A1CF: variants seen among roughly 807,000 people sequenced by gnomAD.
A1CF encodes the protein APOBEC-1 stimulating protein.
A neutral mutation model predicts 68.9 loss-of-function variants in A1CF; 48 were observed. The ratio of observed to expected loss-of-function variants is 0.70; its 90% CI spans 0.55 to 0.89. The LOEUF (loss-of-function observed/expected upper bound fraction) is 0.89. A1CF is among the 40% of genes least tolerant of loss of function. A1CF has a pLI of 0.00. For missense variants in A1CF, 653 were observed against 718.9 expected, an observed-to-expected ratio of 0.91 and a Z score of 1.05; for synonymous variants, 272 against 260.4, an observed-to-expected ratio of 1.04 and a Z score of -0.43.
chr10:50,881,168 T>G lies in A1CF; in HGVS notation c.-94+4413A>C, dbSNP rs553603315. On this transcript the variant is annotated intron_variant, in intron 1 of 12. Transcript: ENST00000373997. ...CCATGCCTGGCTAATTTTTGTATTTTTCTGGAGGTGGGGTTTCGTCATGTT... is the reference window on the plus strand; with the variant it reads ...CCATGCCTGGCTAATTTTTGTATTTGTCTGGAGGTGGGGTTTCGTCATGTT... 1.8e-4 allele frequency among the ~76,000 whole-genome samples: 28 copies of G among 152,282 alleles called. No homozygotes were observed. In the South Asian group the frequency reaches 3.9e-3, roughly 21 times the overall value.
chr10:50,828,123 T>C lies in A1CF; in HGVS notation c.769+8A>G. On this transcript the variant is annotated splice_region_variant and intron_variant, in intron 7 of 12. Coordinates refer to ENST00000373997, the MANE Select transcript of A1CF (RefSeq NM_014576.4). ...TTTTGAAAAACTAATCTTGTATATA[T>C]GTCCTACCTGGTTTGATATTGTTGA... The C allele has an allele frequency of 6.4e-7, 1 of 1,553,776 alleles. No individual in the cohort carries two copies. The highest frequency in any genetic ancestry group is 1.2e-5 in the South Asian group (1 of 83,326).
At chr10:50,848,330 G>A (rs1370387307) in intron 3 of A1CF, among the ~76,000 whole-genome samples, 1 of 152,156 alleles carries the variant, frequency 6.6e-6, no homozygotes, top group African/African-American at 2.4e-5. Flanking sequence ...TTAATTTATT[G>A]TAGAAAAGAC....
chr10:50,875,064 A>G (rs1439342398), intron 1 of A1CF, among the ~76,000 whole-genome samples: 1 of 152,202 alleles, frequency 6.6e-6, no homozygotes, highest in Non-Finnish European at 1.5e-5. Context: ...AACAATTGAG[A>G]ATAATTGAAT....
At chr10:50,843,717 A>G (rs1430525526) in intron 4 of A1CF, among the ~76,000 whole-genome samples, 2 of 152,238 alleles carry the variant, frequency 1.3e-5, no homozygotes, top group African/African-American at 4.8e-5. Context: ...TTGTAGTCAG[A>G]TGGCATGACA....
rs189989496 is a variant in A1CF, at chr10:50,851,551, G to A, written c.100-7429C>T. ...TCAGTATCATTTCCCATAAATGGTCGGTGATTATAAAAACAATTGCAAACA... is the reference window on the plus strand; with the variant it reads ...TCAGTATCATTTCCCATAAATGGTCAGTGATTATAAAAACAATTGCAAACA... On this transcript the variant is annotated intron_variant, in intron 3 of 12. Transcript: ENST00000373997. 1.4e-4 allele frequency among the ~76,000 whole-genome samples: 21 copies of A among 152,128 alleles called. No homozygotes were observed. The East Asian group carries it at 2.9e-3, about 21-fold the overall frequency.
In A1CF at chr10:50,800,296, T is replaced by C. The variant is rs535272422; in HGVS notation, c.*6433A>G. Reference sequence around the variant, plus strand: ...CCTTCTATTTTTGCATAGTCCTTTATATTTCTCCTGGGGGAAATATTTGAA... The same window carrying C: ...CCTTCTATTTTTGCATAGTCCTTTACATTTCTCCTGGGGGAAATATTTGAA... On this transcript the variant is annotated 3_prime_UTR_variant, in exon 13 of 13. Transcript: ENST00000373997. The C allele has an allele frequency of 1.5e-4, 23 of 152,322 alleles. No homozygotes were observed. The highest frequency in any genetic ancestry group is 9.8e-4 in the Admixed American group (15 of 15,300). The allele number at this position is 152,322 out of a possible 1,614,324, so 9.4% of individuals were successfully genotyped here.
At chr10:50,867,016 GT>G (rs1252757608) in intron 1 of A1CF, among the ~76,000 whole-genome samples, 5,868 of 143,888 alleles carry the variant, frequency 0.041, 363 homozygotes, top group African/African-American at 0.14. Context: ...TGCCTGGCCT[GT>G]TTTTTTTTTT....
At position 50,806,748 on chromosome 10, in the gene A1CF, T is replaced by A. The variant is rs773881340; in HGVS notation, c.1742A>T (p.Asp581Val). The A allele has an allele frequency of 4.4e-6, 7 of 1,605,664 alleles. No individual in the cohort carries two copies. The African/African-American group carries it at 9.4e-5, about 22-fold the overall frequency. ...GCATCTTCAGAAGGTGCCATATCCA[T>A]CCCCTCGGGCAGTCACTGCAAAAGT... ...YPTFAVTARGDGYGTF is the reference protein window; with the variant it reads ...YPTFAVTARGVGYGTF Residue 581 changes from aspartate to valine, a missense_variant, in exon 13 of 13, where the codon GAT becomes GTT. By Grantham distance (152) the Asp-to-Val change is radical. Transcript: ENST00000373997.
At chr10:50,849,786 C>CTTTTTTTT (rs71949925) in intron 3 of A1CF, among the ~76,000 whole-genome samples, 12 of 83,660 alleles carry the variant, frequency 1.4e-4, no homozygotes, top group Non-Finnish European at 1.9e-4. Flanking sequence ...TTAATGAATT[C>CTTTTTTTT]TTTTTTTTTT....
rs1837568351 is a variant in A1CF, at chr10:50,800,796, CGTGAT to C, written c.*5928_*5932del. 1 of 151,984 alleles carries C rather than the reference CGTGAT, an allele frequency of 6.6e-6. No individual in the cohort carries two copies. Among genetic ancestry groups the C allele is most frequent in the African/African-American group, 2.4e-5 (1 of 41,364 alleles). The allele number at this position is 151,984 out of a possible 1,614,324, so 9.4% of individuals were successfully genotyped here. A position where few individuals can be genotyped will look rare whatever the true frequency, so the allele number is the denominator to read the frequency against. On this transcript the variant is annotated 3_prime_UTR_variant, in exon 13 of 13. Coordinates refer to ENST00000373997, the MANE Select transcript of A1CF (RefSeq NM_014576.4). ...TAAAAATAATAAAACCTTTATATGA[CGTGAT>C]GTGAGGATTTTTCGTGAAGAATGGT...
intron 1 of A1CF, among the ~76,000 whole-genome samples, chr10:50,865,603 T>C (rs575415195): frequency 3.3e-4 from 51 of 152,306 alleles, no homozygotes; most frequent in Admixed American, 9.8e-4. Context: ...AGACTCCCCT[T>C]CCAGTGTCAT....
intron 6 of A1CF, 91 bp from the exon 7 acceptor site, chr10:50,828,386 AC>A (rs1839073307): frequency 9.3e-7 from 1 of 1,070,924 alleles, no homozygotes; most frequent in Non-Finnish European, 1.3e-6. Flanking sequence ...AATTGACCTG[AC>A]CCTTGAGGTC....
In A1CF at chr10:50,806,821, T is replaced by G. The variant is rs985846622; in HGVS notation, c.1669A>C (p.Thr557Pro). 1.2e-6 allele frequency: 2 copies of G among 1,613,484 alleles called. No homozygotes were observed. The highest frequency in any genetic ancestry group is 1.7e-6 in the Non-Finnish European group (2 of 1,179,706). Residue 557 changes from threonine to proline, a missense_variant, in exon 13 of 13, where the codon ACC (threonine) becomes CCC (proline). By Grantham distance (38) the Thr-to-Pro change is conservative. Coordinates refer to ENST00000373997, the MANE Select transcript of A1CF (RefSeq NM_014576.4). Reference protein sequence around the residue: ...VSAAQLKQAVTLGQDLAAYTT... With the variant: ...VSAAQLKQAVPLGQDLAAYTT... ...TATGCTGCTAAGTCTTGTCCAAGGG[T>G]TACCGCTTGCTTGAGCTGGGCTGCA...
intron 7 of A1CF, among the ~76,000 whole-genome samples, chr10:50,823,756 T>C (rs1248456539): frequency 6.6e-6 from 1 of 152,092 alleles, no homozygotes; most frequent in Non-Finnish European, 1.5e-5. Context: ...GAACAAACCA[T>C]CTTCAGGTCT....
chr10:50,825,497 T>G (rs1838876800), intron 7 of A1CF, among the ~76,000 whole-genome samples: 1 of 152,302 alleles, frequency 6.6e-6, no homozygotes, highest in African/African-American at 2.4e-5. Flanking sequence ...GAAATTCATT[T>G]AATTTTGCAG....
rs879070503 is a variant in A1CF, at chr10:50,850,884, A to G, written c.100-6762T>C. The stretch of plus-strand genomic sequence containing the variant: ...AGCTTTTATCCTTAAAGAATGTGTA[A>G]TTTATTCAATAGGCCCATCTAACTT... On this transcript the variant is annotated intron_variant, in intron 3 of 12. Coordinates refer to ENST00000373997, the MANE Select transcript of A1CF (RefSeq NM_014576.4). The G allele has an allele frequency of 7.3e-5, 108 of 1,474,250 alleles. 2 individuals are homozygous for G. The South Asian group carries it at 1.3e-3, about 18-fold the overall frequency. 91.3% of individuals were successfully genotyped at this position (1,474,250 alleles called of 1,614,324 possible).
At chr10:50,867,278 C>A (rs1490870354) in intron 1 of A1CF, among the ~76,000 whole-genome samples, 2 of 151,830 alleles carry the variant, frequency 1.3e-5, no homozygotes, top group Non-Finnish European at 2.9e-5. Flanking sequence ...CCTAAGTATC[C>A]ATCAACAATT....
chr10:50,863,951 G>A (rs1176961900), intron 2 of A1CF, 82 bp downstream of exon 2: 1 of 152,020 alleles, frequency 6.6e-6, no homozygotes, highest in East Asian at 1.9e-4. Flanking sequence ...TTGTATAGAG[G>A]TATCACAATA....
At chr10:50,832,192 A>G (rs1839278781) in intron 6 of A1CF, among the ~76,000 whole-genome samples, 1 of 152,196 alleles carries the variant, frequency 6.6e-6, no homozygotes, top group South Asian at 2.1e-4. Context: ...AAATAGATAA[A>G]GAAAGTATCA....
Sources: allele counts gnomAD v4.1 joint callset (sites outside exome capture counted in the v4.1 genomes callset), GRCh38; gene constraint gnomAD v4.1.1; transcripts MANE v1.5; gene names NCBI Gene and HGNC (gene_info 2026-07-23, HGNC 2026-07-21).